The following LDLRAD4 variants were observed in gnomAD, a reference collection of about 807,000 sequenced individuals.
LDLRAD4 encodes low density lipoprotein receptor class A domain containing 4.
In LDLRAD4, 5 loss-of-function variants were observed where a neutral mutation model predicts 17.0. The ratio of observed to expected loss-of-function variants is 0.29; its 90% CI spans 0.15 to 0.62. The LOEUF is 0.62. Ranked by LOEUF, LDLRAD4 falls within the 20% of genes least tolerant of loss-of-function variation. The pLI, the probability that LDLRAD4 is intolerant of heterozygous loss-of-function variation, is 0.84. For missense variants in LDLRAD4, 340 were observed against 424.7 expected, an observed-to-expected ratio of 0.80 and a Z score of 1.75; for synonymous variants, 168 against 171.8, an observed-to-expected ratio of 0.98 and a Z score of 0.17.
intron 1 of LDLRAD4, among the ~76,000 whole-genome samples, chr18:13,385,674 C>T (rs1391689456): frequency 6.6e-6 from 1 of 152,136 alleles, no homozygotes; most frequent in African/African-American, 2.4e-5. Context: ...GGCAGGTGGG[C>T]TTCTGTTTTT....
chr18:13,577,849 C>CTGG (rs1308263175), intron 3 of LDLRAD4, among the ~76,000 whole-genome samples: 3 of 152,128 alleles, frequency 2.0e-5, no homozygotes, highest in Middle Eastern at 3.4e-3. Flanking sequence ...GAAAAAGGCA[C>CTGG]TGGAAACACC....
intron 1 of LDLRAD4, among the ~76,000 whole-genome samples, chr18:13,343,131 G>A (rs905143352): frequency 2.4e-4 from 36 of 151,952 alleles, no homozygotes; most frequent in African/African-American, 6.8e-4. Context: ...TGTGCACAAC[G>A]TGCAGGTTAG....
At chr18:13,366,809 C>T (rs1024206198) in intron 1 of LDLRAD4, among the ~76,000 whole-genome samples, 1 of 152,162 alleles carries the variant, frequency 6.6e-6, no homozygotes, top group South Asian at 2.1e-4. Context: ...TGGGTGCTGA[C>T]GGTTCATGAG....
At chr18:13,420,287 G>T (rs1259592932) in intron 2 of LDLRAD4, 4 of 152,210 alleles carry the variant, frequency 2.6e-5, no homozygotes, top group African/African-American at 9.6e-5. Flanking sequence ...ATTAGAAATT[G>T]CTTGTGTTAG....
At chr18:13,243,223 T>C (rs2042756539) in intron 1 of LDLRAD4, among the ~76,000 whole-genome samples, 1 of 152,198 alleles carries the variant, frequency 6.6e-6, no homozygotes, top group African/African-American at 2.4e-5. Context: ...GCAGGGCCCC[T>C]TGGAGGTGAG....
intron 3 of LDLRAD4, among the ~76,000 whole-genome samples, chr18:13,579,511 G>A (rs1007375409): frequency 1.3e-5 from 2 of 152,210 alleles, no homozygotes; most frequent in African/African-American, 4.8e-5. Flanking sequence ...AGTAAGGGGA[G>A]AGAATTCCTT....
rs367676057 is a variant in LDLRAD4 at position 13,398,044 on chromosome 18, G to A, written c.40+10282G>A. On this transcript the variant is annotated intron_variant, in intron 2 of 5. Coordinates refer to ENST00000359446, the Ensembl canonical transcript of LDLRAD4. This position sits in a 1 kb window ranked among gnomAD's most constrained non-coding sequence, Gnocchi z 4.8. ...TGTGGCTCAGGATCTGCACAGGCCC[G>A]AGAGACCCTCCTTGAGGACGCAGTG... is the stretch of plus-strand genomic sequence containing the variant. 6.0e-4 allele frequency among the ~76,000 whole-genome samples: 91 copies of A among 152,280 alleles called. No individual in the cohort carries two copies. Among genetic ancestry groups the A allele is most frequent in the African/African-American group, 2.1e-3 (86 of 41,542 alleles).
intron 3 of LDLRAD4, among the ~76,000 whole-genome samples, chr18:13,579,018 G>A (rs1326990320): frequency 2.0e-5 from 3 of 151,256 alleles, no homozygotes; most frequent in African/African-American, 7.3e-5. Flanking sequence ...GTGAAACCCC[G>A]TCTCTACTAA....
chr18:13,297,931 C>T (rs528796424), intron 1 of LDLRAD4, among the ~76,000 whole-genome samples: 3 of 152,344 alleles, frequency 2.0e-5, no homozygotes, highest in East Asian at 3.9e-4. Context: ...TGGACTGAAG[C>T]TGAAAGTGGA....
chr18:13,251,356 C>T (rs554459892), intron 1 of LDLRAD4, among the ~76,000 whole-genome samples: 19 of 152,206 alleles, frequency 1.2e-4, no homozygotes, highest in Non-Finnish European at 2.1e-4. Context: ...CTATTCAACA[C>T]GTACTGGAAG....
intron 3 of LDLRAD4, among the ~76,000 whole-genome samples, chr18:13,524,316 T>G (rs543451361): frequency 1.3e-5 from 2 of 152,374 alleles, no homozygotes; most frequent in African/African-American, 4.8e-5. Flanking sequence ...ATCTTGATGC[T>G]TCCTTTGAAA....
At chr18:13,439,194 G>A (rs1401103035) in intron 3 of LDLRAD4, among the ~76,000 whole-genome samples, 1 of 152,096 alleles carries the variant, frequency 6.6e-6, no homozygotes, top group Non-Finnish European at 1.5e-5. Flanking sequence ...ACATTATTTT[G>A]AGGAGTTATA....
chr18:13,355,259 T>C (rs554879671), intron 1 of LDLRAD4, among the ~76,000 whole-genome samples: 100 of 152,326 alleles, frequency 6.6e-4, no homozygotes, highest in African/African-American at 2.3e-3. Context: ...TGACAGTGCT[T>C]ATAACTTAGG....
chr18:13,279,038 G>A (rs2045075907), intron 1 of LDLRAD4, among the ~76,000 whole-genome samples: 1 of 152,212 alleles, frequency 6.6e-6, no homozygotes, highest in Admixed American at 6.5e-5. Context: ...GTGCAAAGCA[G>A]TATGCATGGC....
At chr18:13,565,988 C>T (rs954668689) in intron 3 of LDLRAD4, among the ~76,000 whole-genome samples, 7 of 152,250 alleles carry the variant, frequency 4.6e-5, no homozygotes, top group South Asian at 2.1e-4. Flanking sequence ...TTCGTCCATT[C>T]GTTCAGTCCA....
chr18:13,616,092 C>A (rs1215577777), intron 3 of LDLRAD4: 3 of 152,214 alleles, frequency 2.0e-5, no homozygotes, highest in South Asian at 4.1e-4. Context: ...CCTCCCCAAC[C>A]CCTAAAAACG....
At chr18:13,321,234 G>A (rs545974510) in intron 1 of LDLRAD4, among the ~76,000 whole-genome samples, 1 of 152,150 alleles carries the variant, frequency 6.6e-6, no homozygotes, top group East Asian at 1.9e-4. Flanking sequence ...ACTCAGCCCT[G>A]CATCTCCCCC....
rs1244868731 is a variant in LDLRAD4 at position 13,500,058 on chromosome 18, A to G, written c.181+61674A>G. On this transcript the variant is annotated intron_variant, in intron 3 of 5. Transcript: ENST00000359446. The stretch of plus-strand genomic sequence containing the variant: ...ATGTTTGGTGCAGACATGTTGTCCA[A>G]GACTTGACATTGGGAAATGTTGGGA... Among the ~76,000 whole-genome samples the G allele has an allele frequency of 2.0e-5, 3 of 152,196 alleles. No homozygotes were observed. In the East Asian group the frequency reaches 5.8e-4, roughly 29 times the overall value.
chr18:13,276,415 C>T (rs1293910215), upstream of LDLRAD4, among the ~76,000 whole-genome samples: 1 of 152,208 alleles, frequency 6.6e-6, no homozygotes, highest in Non-Finnish European at 1.5e-5. Context: ...TCCAAGGCTC[C>T]ACAGTCAGGC....
Sources: allele counts gnomAD v4.1 joint callset (sites outside exome capture counted in the v4.1 genomes callset), GRCh38; gene constraint gnomAD v4.1.1; non-coding constraint Gnocchi (gnomAD v3.1); transcripts MANE v1.5; gene names NCBI Gene and HGNC (gene_info 2026-07-23, HGNC 2026-07-21).